The following MAPK6 variants were observed in gnomAD, a reference collection of about 807,000 sequenced individuals.
MAPK6 encodes the protein mitogen-activated protein kinase 6, also known as ERK-3.
Under a neutral mutation model 59.3 loss-of-function variants are expected in MAPK6, and 19 were observed. The observed-to-expected ratio is 0.32, with a 90% CI of 0.22 to 0.47. MAPK6 has a LOEUF of 0.47. MAPK6 is among the 20% of genes least tolerant of loss of function. The pLI is 1.00. For missense variants in MAPK6, 724 were observed against 847.9 expected (o/e 0.85, Z 1.81); for synonymous variants, 316 against 290.3 (o/e 1.09, Z -0.90).
At chr15:52,015,027 T>G (rs1464342769), upstream of MAPK6, among the ~76,000 whole-genome samples, 2 of 152,064 alleles carry the variant, frequency 1.3e-5, no homozygotes, top group Non-Finnish European at 2.9e-5. Flanking sequence ...TGAGATGGAG[T>G]TTCACTCTTG....
chr15:52,058,820 C>T lies in MAPK6; in HGVS notation c.865+23C>T, dbSNP rs754793334. 4 of 1,590,418 alleles carry T rather than the reference C, an allele frequency of 2.5e-6. No homozygotes were observed. The South Asian group carries it at 4.6e-5, about 18-fold the overall frequency. On this transcript the variant is annotated intron_variant, in intron 4 of 5. Coordinates refer to ENST00000261845, the MANE Select transcript of MAPK6 (RefSeq NM_002748.4). ...AAGGTATTGTGACTCGAGAGTAACC[C>T]TCACGTTAATGCCTGTGTGTGAGGC...
intron 2 of MAPK6, among the ~76,000 whole-genome samples, chr15:51,992,146 C>G (rs1369149406): frequency 6.6e-6 from 1 of 151,724 alleles, no homozygotes; most frequent in Non-Finnish European, 1.5e-5. Context: ...TTTGTAGAGA[C>G]AGGGTTTTGC....
intron 3 of MAPK6, among the ~76,000 whole-genome samples, chr15:52,013,996 G>A (rs1018069751): frequency 6.6e-6 from 1 of 152,042 alleles, no homozygotes; most frequent in African/African-American, 2.4e-5. Context: ...CATTCTCCCA[G>A]GCCTGTCAGA....
At chr15:51,988,629 GGCTGAGGCAGGGGAATT>G (rs965757275) in intron 2 of MAPK6, among the ~76,000 whole-genome samples, 1 of 151,956 alleles carries the variant, frequency 6.6e-6, no homozygotes, top group African/African-American at 2.4e-5. Flanking sequence ...CTACTCGGGA[GGCTGAGGCAGGGGAATT>G]GCTTGAACCC....
intron 1 of MAPK6, chr15:52,024,606 A>C (rs1313385147): frequency 6.6e-6 from 1 of 151,350 alleles, no homozygotes; most frequent in Non-Finnish European, 1.5e-5. Flanking sequence ...TCACCGTGTT[A>C]GCCAGGATGG....
At chr15:52,062,994 G>T (rs892104558) in intron 5 of MAPK6, among the ~76,000 whole-genome samples, 10 of 152,166 alleles carry the variant, frequency 6.6e-5, no homozygotes, top group African/African-American at 2.4e-4. Context: ...AAATGTTGAT[G>T]TATTGGTATG....
In MAPK6 at chr15:52,064,801, G is replaced by T. The variant is rs1301093848; in HGVS notation, c.1967G>T (p.Gly656Val). Residue 656 changes from glycine to valine, a missense_variant, in exon 6 of 6, where the codon GGA becomes GTA. Physicochemically the swap from Gly to Val is moderately radical, Grantham distance 109. Transcript: ENST00000261845. ...PVEDGKLGER[G>V]HEEGFLNNSG... ...GAGGATGGGAAGCTTGGGGAGAGAG[G>T]ACATGAGGAAGGATTTCTGAACAAC... is the stretch of plus-strand genomic sequence containing the variant. 1 of 1,611,954 alleles carries T rather than the reference G, an allele frequency of 6.2e-7. No homozygotes were observed. Among genetic ancestry groups the T allele is most frequent in the East Asian group, 2.2e-5 (1 of 44,880 alleles).
At chr15:52,003,724 A>C (rs2141825975) in intron 2 of MAPK6, among the ~76,000 whole-genome samples, 1 of 152,396 alleles carries the variant, frequency 6.6e-6, no homozygotes, top group African/African-American at 2.4e-5. Flanking sequence ...ACTTACACAA[A>C]TTAAATGTGA....
chr15:51,982,660 T>G (rs1360594239), intron 1 of MAPK6, among the ~76,000 whole-genome samples: 1 of 152,194 alleles, frequency 6.6e-6, no homozygotes, highest in Non-Finnish European at 1.5e-5. Flanking sequence ...GAGGCAGTGT[T>G]TTTTCGTGTT....
intron 1 of MAPK6, among the ~76,000 whole-genome samples, chr15:52,033,014 C>G (rs900263714): frequency 3.3e-5 from 5 of 152,098 alleles, no homozygotes; most frequent in Non-Finnish European, 7.4e-5. Context: ...CAGGGTCTCA[C>G]TATGTTGGTC....
chr15:52,041,541 A>G (rs2031417009), intron 1 of MAPK6, among the ~76,000 whole-genome samples: 1 of 152,196 alleles, frequency 6.6e-6, no homozygotes, highest in Non-Finnish European at 1.5e-5. Flanking sequence ...GGTGGAGATA[A>G]TGGCAATTAA....
rs569810183 is a variant in MAPK6 at position 52,064,184 on chromosome 15, A to G, written c.1350A>G (p.Ser450=). ...ATACTTGTAACTACAAAACGAGGTC[A>G]TCATCATATTTAGATAACTTAGTTT... The part of the protein sequence containing the change: ...CSHTCNYKTR[S]SSYLDNLVWR... Residue 450 remains serine, a synonymous_variant, in exon 6 of 6, where the codon TCA becomes TCG. Transcript: ENST00000261845. The G allele has an allele frequency of 4.3e-6, 7 of 1,612,866 alleles. No individual in the cohort carries two copies. The African/African-American group carries it at 5.3e-5, about 12-fold the overall frequency.
At chr15:52,001,000 G>T (rs1235315664) in intron 2 of MAPK6, among the ~76,000 whole-genome samples, 1 of 152,058 alleles carries the variant, frequency 6.6e-6, no homozygotes, top group Non-Finnish European at 1.5e-5. Flanking sequence ...ATTGCCCATT[G>T]CTATGACTTG....
chr15:51,986,150 C>T (rs921502162), intron 2 of MAPK6, among the ~76,000 whole-genome samples: 4 of 151,938 alleles, frequency 2.6e-5, no homozygotes. Context: ...ATGGAGAAGC[C>T]GAAAAAGTGA....
At chr15:52,003,603 C>G (rs1291446912) in intron 2 of MAPK6, among the ~76,000 whole-genome samples, 1 of 152,240 alleles carries the variant, frequency 6.6e-6, no homozygotes, top group Non-Finnish European at 1.5e-5. Context: ...GGTATCATGT[C>G]AGCAATTGAC....
chr15:52,016,107 C>CACACACACACAAA (rs1267339787), upstream of MAPK6, among the ~76,000 whole-genome samples: 12 of 136,316 alleles, frequency 8.8e-5, no homozygotes, highest in Admixed American at 1.5e-4. Context: ...CACACACACA[C>CACACACACACAAA]AAACTAAAAC....
chr15:51,996,983 A>AT (rs879906083), intron 2 of MAPK6, among the ~76,000 whole-genome samples: 178 of 140,738 alleles, frequency 1.3e-3, no homozygotes, highest in South Asian at 2.3e-3. Context: ...ATGCCAGGAA[A>AT]TTTTTTTTTT....
Position 52,064,085 on chromosome 15 carries a change from C to G in MAPK6, c.1251C>G (p.Thr417=). ...ATCTGGAGGATCCTGCTTTTGATAC[C>G]AATTACTCTACTGAGCCTTGTTGGC... ...EKYLEDPAFD[T]NYSTEPCWQY... Residue 417 remains threonine (T), a synonymous_variant, in exon 6 of 6, where the codon ACC becomes ACG. Coordinates refer to ENST00000261845, the MANE Select transcript of MAPK6 (RefSeq NM_002748.4). 1.2e-6 allele frequency: 2 copies of G among 1,612,196 alleles called. No individual in the cohort carries two copies. The highest frequency in any genetic ancestry group is 1.7e-4 in the Middle Eastern group (1 of 6,050).
rs1233363772 is a variant in MAPK6, at chr15:52,027,776, TA to T, written c.-632+8401del. The T allele has an allele frequency of 4.9e-4, 74 of 150,804 alleles. 1 individual carries two copies. The highest frequency in any genetic ancestry group is 3.4e-3 in the Middle Eastern group (1 of 292). The allele number at this position is 150,804 out of a possible 1,614,324, so 9.3% of individuals were successfully genotyped here. A position where few individuals can be genotyped will look rare whatever the true frequency, so the allele number is the denominator to read the frequency against. ...TTATTTATTTATTTATTTATTTATT[TA>T]TTTACTGTTTTTTGAGATGGAGTCT... On this transcript the variant is annotated intron_variant, in intron 1 of 5. Coordinates refer to ENST00000261845, the MANE Select transcript of MAPK6 (RefSeq NM_002748.4).
Sources: gnomAD v4.1 joint callset for allele counts (sites outside exome capture counted in the v4.1 genomes callset) on GRCh38, gnomAD v4.1.1 for gene constraint, MANE v1.5 for transcripts, NCBI Gene and HGNC (gene_info 2026-07-23, HGNC 2026-07-21) for gene names.